Variants in COL5A1 observed in about 807,000 individuals in gnomAD.
COL5A1 encodes the protein collagen type V alpha 1 chain.
In COL5A1, 16 loss-of-function variants were observed where a neutral mutation model predicts 263.7. The observed-to-expected ratio is 0.06, with a 90% CI of 0.04 to 0.09. The LOEUF is 0.09. COL5A1 is among the 10% of genes least tolerant of loss of function. The pLI, the probability that COL5A1 is intolerant of heterozygous loss-of-function variation, is 1.00. For missense variants in COL5A1, 2,036 were observed against 2,540.5 expected (o/e 0.80, Z 4.27); for synonymous variants, 1,012 against 1,004.5 (o/e 1.01, Z -0.14).
In COL5A1 at chr9:134,806,687, G is replaced by A. The variant is rs187929826; in HGVS notation, c.3366+391G>A. Among the ~76,000 whole-genome samples, 76 of 152,310 alleles carry A rather than the reference G, an allele frequency of 5.0e-4. 1 individual carries two copies. The highest frequency in any genetic ancestry group is 2.8e-3 in the Admixed American group (43 of 15,302). On this transcript the variant is annotated intron_variant, in intron 42 of 65. Coordinates refer to ENST00000371817, the MANE Select transcript of COL5A1 (RefSeq NM_000093.5). Reference sequence around the variant, plus strand: ...CAGCCTCAGTGCCACCTGTGTGGTCGGGCCACAGCTGCCCACTGTGTGAAC... The same window carrying A: ...CAGCCTCAGTGCCACCTGTGTGGTCAGGCCACAGCTGCCCACTGTGTGAAC...
rs1209948137 is a variant in COL5A1 at position 134,759,711 on chromosome 9, CA to C, written c.1935+1416del. ...TCATACACATATGCACACATGCACA[CA>C]CCCCCCCACCCCCACACTCATACAC... On this transcript the variant is annotated intron_variant, in intron 18 of 65. Coordinates refer to ENST00000371817, the MANE Select transcript of COL5A1 (RefSeq NM_000093.5). Among the ~76,000 whole-genome samples, 208 of 100,008 alleles carry C rather than the reference CA, an allele frequency of 2.1e-3. 1 individual carries two copies. Among genetic ancestry groups the C allele is most frequent in the Non-Finnish European group, 3.3e-3 (175 of 53,098 alleles). 65.6% of individuals were successfully genotyped at this position (100,008 alleles called of 152,430 possible). A position where few individuals can be genotyped will look rare whatever the true frequency, so the allele number is the denominator to read the frequency against.
chr9:134,691,910 A>T (rs1833297526), intron 2 of COL5A1: 1 of 152,232 alleles, frequency 6.6e-6, no homozygotes, highest in Non-Finnish European at 1.5e-5. Context: ...TGACCCCGGC[A>T]TTGAACCCAC....
intron 27 of COL5A1, among the ~76,000 whole-genome samples, chr9:134,776,082 G>T (rs138425769): frequency 1.3e-5 from 2 of 152,192 alleles, no homozygotes; most frequent in Middle Eastern, 6.8e-3. Context: ...CTTGTCCCCC[G>T]GAGGCCCCGA....
rs765839116 is a variant in COL5A1 at position 134,752,613 on chromosome 9, C to G, written c.1687C>G (p.Pro563Ala). 1.2e-6 allele frequency: 2 copies of G among 1,613,628 alleles called. No homozygotes were observed. The highest frequency in any genetic ancestry group is 1.7e-6 in the Non-Finnish European group (2 of 1,179,744). The part of the protein sequence containing the change: ...ARLALRGPAG[P>A]MGLTGRPGPV... Reference sequence around the variant, plus strand: ...GTTGGCACTGAGGGGACCAGCTGGCCCGATGGGTCTCACAGGGAGACCTGG... The same window carrying G: ...GTTGGCACTGAGGGGACCAGCTGGCGCGATGGGTCTCACAGGGAGACCTGG... Residue 563 changes from proline (P) to alanine (A), a missense_variant, in exon 14 of 66, where the codon CCG becomes GCG. Transcript: ENST00000371817.
intron 4 of COL5A1, among the ~76,000 whole-genome samples, chr9:134,717,744 G>A (rs1258522769): frequency 6.6e-6 from 1 of 152,212 alleles, no homozygotes; most frequent in East Asian, 1.9e-4. Context: ...ATAGTTATTT[G>A]TGTCTCTCTG....
At chr9:134,738,432 G>C in intron 9 of COL5A1, 42 bp from the exon 10 acceptor site, 2 of 1,613,356 alleles carry the variant, frequency 1.2e-6, no homozygotes, top group Non-Finnish European at 1.7e-6. Flanking sequence ...GTGTCGGGAG[G>C]GATGGGCTGC....
At chr9:134,759,838 T>TCA (rs144026665) in intron 18 of COL5A1, among the ~76,000 whole-genome samples, 312 of 7,482 alleles carry the variant, frequency 0.042, 7 homozygotes, top group African/African-American at 0.12. Flanking sequence ...ACCCCCCCAC[T>TCA]CACGCACACC....
rs904636273 is a variant in COL5A1 at position 134,798,546 on chromosome 9, A to G, written c.2952+85A>G. 6 of 1,317,346 alleles carry G rather than the reference A, an allele frequency of 4.6e-6. No homozygotes were observed. In the African/African-American group the frequency reaches 6.3e-5, roughly 14 times the overall value. 81.6% of individuals were successfully genotyped at this position (1,317,346 alleles called of 1,614,324 possible). On this transcript the variant is annotated intron_variant, in intron 37 of 65. Coordinates refer to ENST00000371817, the MANE Select transcript of COL5A1 (RefSeq NM_000093.5). ...GGCACAGCCCTCGCTGCCCAGCGCC[A>G]TCTAGGACCCTCCTGGCCTGGGAGA...
chr9:134,836,315 G>A (rs968385299), intron 65 of COL5A1, among the ~76,000 whole-genome samples: 1 of 152,160 alleles, frequency 6.6e-6, no homozygotes, highest in Non-Finnish European at 1.5e-5. Context: ...GGGGTGCCAG[G>A]CCCTTTTTAA....
intron 1 of COL5A1, among the ~76,000 whole-genome samples, chr9:134,688,594 G>A (rs1195637061): frequency 6.6e-6 from 1 of 152,224 alleles, no homozygotes; most frequent in Non-Finnish European, 1.5e-5. Flanking sequence ...AGCTGGGTGG[G>A]CTGTGCCCTG....
chr9:134,796,911 G>T lies in COL5A1; in HGVS notation c.2898+10G>T, dbSNP rs1837930446. 1 of 1,613,386 alleles carries T rather than the reference G, an allele frequency of 6.2e-7. No individual in the cohort carries two copies. Among genetic ancestry groups the T allele is most frequent in the Non-Finnish European group, 8.5e-7 (1 of 1,179,508 alleles). ...ACCAAAGGGCCCCCCTGTAAGTAATGGCTTCCTTGCTGGGCCAGCACTGCC... is the reference window on the plus strand; with the variant it reads ...ACCAAAGGGCCCCCCTGTAAGTAATTGCTTCCTTGCTGGGCCAGCACTGCC... On this transcript the variant is annotated intron_variant, in intron 36 of 65. Coordinates refer to ENST00000371817, the MANE Select transcript of COL5A1 (RefSeq NM_000093.5).
intron 11 of COL5A1, among the ~76,000 whole-genome samples, chr9:134,739,283 C>T (rs1260309820): frequency 6.6e-6 from 1 of 152,254 alleles, no homozygotes; most frequent in African/African-American, 2.4e-5. Flanking sequence ...GGGAGAGCTG[C>T]TCCCTGGCTG....
intron 4 of COL5A1, among the ~76,000 whole-genome samples, chr9:134,710,984 CCCCGTTTGTTGGGTGCAGTGGTGGAGAGG>C (rs1463473979): frequency 2.2e-5 from 3 of 136,738 alleles, no homozygotes; most frequent in Admixed American, 1.4e-4. Flanking sequence ...GGGGGAGGGG[CCCCGTTTGTTGGGTGCAGTGGTGGAGAGG>C]CCCGTTTGTT....
chr9:134,645,796 A>G (rs1831456616), intron 1 of COL5A1, among the ~76,000 whole-genome samples: 1 of 151,980 alleles, frequency 6.6e-6, no homozygotes, highest in Non-Finnish European at 1.5e-5. Context: ...CTCACTTCCC[A>G]TCGGTTTATC....
intron 27 of COL5A1, among the ~76,000 whole-genome samples, chr9:134,775,381 G>A (rs906190010): frequency 1.1e-4 from 16 of 152,238 alleles, no homozygotes; most frequent in African/African-American, 3.4e-4. Context: ...TGTCTCCACC[G>A]ATAGCATCTG....
At chr9:134,702,919 C>T (rs1319541895) in intron 4 of COL5A1, among the ~76,000 whole-genome samples, 5 of 152,238 alleles carry the variant, frequency 3.3e-5, no homozygotes, top group Admixed American at 6.5e-5. Context: ...GACACAGCAG[C>T]GCACTGTCTC....
intron 11 of COL5A1, among the ~76,000 whole-genome samples, chr9:134,747,779 GCA>G (rs907954093): frequency 8.8e-6 from 1 of 113,010 alleles, no homozygotes; most frequent in Non-Finnish European, 1.8e-5. Flanking sequence ...GCAGACACAT[GCA>G]CACATGCATT....
chr9:134,787,841 G>A (rs1837518284), intron 31 of COL5A1, among the ~76,000 whole-genome samples: 1 of 152,216 alleles, frequency 6.6e-6, no homozygotes, highest in African/African-American at 2.4e-5. Context: ...CCAAACACCA[G>A]CCACCCTCCT....
rs1206460551 is a variant in COL5A1 at position 134,794,609 on chromosome 9, C to A, written c.2701-473C>A. On this transcript the variant is annotated intron_variant, in intron 32 of 65. Coordinates refer to ENST00000371817, the MANE Select transcript of COL5A1 (RefSeq NM_000093.5). The surrounding 1 kb of genome is among the most constrained non-coding windows in gnomAD (Gnocchi z 4.3). ...ATTCCAAGTTTGCGCGTCTGCAGAG[C>A]CTGTTGAAAATTTAATGGCTAATAT... 1.3e-5 allele frequency among the ~76,000 whole-genome samples: 2 copies of A among 152,148 alleles called. No homozygotes were observed. Among genetic ancestry groups the A allele is most frequent in the African/African-American group, 2.4e-5 (1 of 41,434 alleles).
Sources: allele counts gnomAD v4.1 joint callset (sites outside exome capture counted in the v4.1 genomes callset), GRCh38; gene constraint gnomAD v4.1.1; non-coding constraint Gnocchi (gnomAD v3.1); transcripts MANE v1.5; gene names NCBI Gene and HGNC (gene_info 2026-07-23, HGNC 2026-07-21).